The following CTNNA3 variants were observed in gnomAD, a reference collection of about 807,000 sequenced individuals.
The protein encoded by CTNNA3 is catenin alpha-3.
In CTNNA3, 76 loss-of-function variants were observed where a neutral mutation model predicts 95.7. The observed-to-expected ratio is 0.79, with a 90% CI of 0.66 to 0.96. The LOEUF (loss-of-function observed/expected upper bound fraction) is 0.96, where lower values mean the gene tolerates loss of function less well. CTNNA3 is among the 40% of genes least tolerant of loss of function. The pLI is 0.00. For synonymous variants in CTNNA3, 431 were observed against 374.4 expected (o/e 1.15, Z -1.74); for missense variants, 1,191 against 1,089.8 (o/e 1.09, Z -1.31).
chr10:67,062,968 G>A (rs560706599), intron 7 of CTNNA3, among the ~76,000 whole-genome samples: 4 of 151,730 alleles, frequency 2.6e-5, no homozygotes, highest in African/African-American at 4.9e-5. Context: ...AGAGTTAATC[G>A]TTTTGTTTTT....
At chr10:66,868,259 G>A (rs890668668) in intron 7 of CTNNA3, among the ~76,000 whole-genome samples, 8 of 151,052 alleles carry the variant, frequency 5.3e-5, no homozygotes, top group African/African-American at 1.2e-4. Context: ...CAGTTACTCC[G>A]GAGGCTGAGG....
intron 7 of CTNNA3, among the ~76,000 whole-genome samples, chr10:67,125,000 A>G (rs539096187): frequency 6.6e-6 from 1 of 152,314 alleles, no homozygotes; most frequent in African/African-American, 2.4e-5. Context: ...AAGCCAGGTG[A>G]GTCTGTAATC....
At chr10:66,066,224 A>C (rs1209562386) in intron 15 of CTNNA3, among the ~76,000 whole-genome samples, 1 of 152,186 alleles carries the variant, frequency 6.6e-6, no homozygotes, top group Non-Finnish European at 1.5e-5. Flanking sequence ...GTTGTTTTTC[A>C]TATAAATGTA....
intron 14 of CTNNA3, among the ~76,000 whole-genome samples, chr10:66,078,584 T>C (rs987045145): frequency 6.6e-6 from 1 of 151,956 alleles, no homozygotes; most frequent in Non-Finnish European, 1.5e-5. Context: ...TATTTACTCA[T>C]ACTTAACACT....
intron 11 of CTNNA3, among the ~76,000 whole-genome samples, chr10:66,400,586 C>A (rs2456743): frequency 0.2 from 30,789 of 151,892 alleles, 3,859 homozygotes; most frequent in African/African-American, 0.36. Context: ...CTATTTCCAC[C>A]TCTCTCCCAT....
Position 66,750,294 on chromosome 10 carries a change from T to G in CTNNA3, c.1281+15970A>C, listed in dbSNP as rs1215571051. On this transcript the variant is annotated intron_variant, in intron 9 of 17. Coordinates refer to ENST00000433211, the MANE Select transcript of CTNNA3 (RefSeq NM_013266.4). ...TGTATCTAAAAAGTTGTTGCCATTC[T>G]CAAAATCATCTAGATTTTCTCCTAT... 5.3e-5 allele frequency among the ~76,000 whole-genome samples: 8 copies of G among 152,340 alleles called. No homozygotes were observed. The East Asian group carries it at 1.5e-3, about 29-fold the overall frequency.
intron 11 of CTNNA3, among the ~76,000 whole-genome samples, chr10:66,406,769 C>A (rs2093060674): frequency 6.6e-6 from 1 of 152,112 alleles, no homozygotes. Context: ...AGCTCTTGCT[C>A]TAAACCACTT....
chr10:67,158,265 C>T (rs1338187125), intron 7 of CTNNA3, among the ~76,000 whole-genome samples: 1 of 151,758 alleles, frequency 6.6e-6, no homozygotes, highest in East Asian at 1.9e-4. Flanking sequence ...TAAATGACCT[C>T]CAAAAAAAAA....
chr10:66,950,304 TTATATC>T (rs1272785133), intron 7 of CTNNA3, among the ~76,000 whole-genome samples: 2 of 152,134 alleles, frequency 1.3e-5, no homozygotes, highest in African/African-American at 4.8e-5. Flanking sequence ...GTATATTTAC[TTATATC>T]TATAATTATC....
intron 5 of CTNNA3, among the ~76,000 whole-genome samples, chr10:67,343,168 C>G (rs1356174190): frequency 6.6e-6 from 1 of 152,166 alleles, no homozygotes; most frequent in African/African-American, 2.4e-5. Flanking sequence ...CCAGGCTGGT[C>G]TCGAACTCCT....
At chr10:67,556,039 TA>T (rs946712843) in intron 3 of CTNNA3, among the ~76,000 whole-genome samples, 4 of 152,230 alleles carry the variant, frequency 2.6e-5, no homozygotes, top group African/African-American at 9.6e-5. Context: ...TGGTTCTGTT[TA>T]TATGATGGAT....
At chr10:66,958,297 C>A (rs563978344) in intron 7 of CTNNA3, among the ~76,000 whole-genome samples, 2 of 133,530 alleles carry the variant, frequency 1.5e-5, no homozygotes, top group East Asian at 2.2e-4. Flanking sequence ...TTTCCTCCAC[C>A]TGCTTTCTTG....
At chr10:65,980,231 T>C in intron 16 of CTNNA3, among the ~76,000 whole-genome samples, 1 of 152,022 alleles carries the variant, frequency 6.6e-6, no homozygotes, top group Middle Eastern at 3.4e-3. Flanking sequence ...CTAGAGGAGA[T>C]GAATAAATTC....
intron 1 of CTNNA3, among the ~76,000 whole-genome samples, chr10:67,667,696 C>T (rs1280172859): frequency 6.6e-6 from 1 of 151,976 alleles, no homozygotes; most frequent in African/African-American, 2.4e-5. Flanking sequence ...TCTATAAGAT[C>T]GTCTCTCATA....
At chr10:67,752,033 C>G (rs983054689) in intron 1 of CTNNA3, among the ~76,000 whole-genome samples, 3 of 152,002 alleles carry the variant, frequency 2.0e-5, no homozygotes, top group Non-Finnish European at 4.4e-5. Flanking sequence ...AAGAAAACTT[C>G]GGGCCGATAT....
intron 7 of CTNNA3, among the ~76,000 whole-genome samples, chr10:67,028,344 A>T (rs1361914126): frequency 1.3e-5 from 2 of 152,180 alleles, no homozygotes; most frequent in Non-Finnish European, 2.9e-5. Context: ...CTCAGAAGCT[A>T]CAGAATAGAT....
At chr10:67,379,227 T>G (rs1843818662) in intron 5 of CTNNA3, among the ~76,000 whole-genome samples, 1 of 152,206 alleles carries the variant, frequency 6.6e-6, no homozygotes, top group South Asian at 2.1e-4. Context: ...AAGACCACAT[T>G]GTATAGTGAA....
chr10:67,214,551 C>A (rs370256375), intron 6 of CTNNA3, among the ~76,000 whole-genome samples: 5 of 151,838 alleles, frequency 3.3e-5, no homozygotes, highest in South Asian at 2.1e-4. Context: ...TTATGTTTAC[C>A]ATTTCCTCTG....
chr10:67,537,969 T>TA (rs367823492), intron 4 of CTNNA3, among the ~76,000 whole-genome samples: 3,511 of 145,882 alleles, frequency 0.024, 142 homozygotes, highest in African/African-American at 0.077. Flanking sequence ...CTACTTAAAC[T>TA]AAAAAAAAAA....
Sources: gnomAD v4.1 joint callset for allele counts (sites outside exome capture counted in the v4.1 genomes callset) on GRCh38, gnomAD v4.1.1 for gene constraint, MANE v1.5 for transcripts, NCBI Gene and HGNC (gene_info 2026-07-23, HGNC 2026-07-21) for gene names.